TXNDC9: variants seen among roughly 807,000 people sequenced by gnomAD.
TXNDC9 encodes the protein thioredoxin domain-containing protein 9.
TXNDC9 carries 7 observed loss-of-function variants against 23.0 expected under a neutral mutation model. The observed-to-expected ratio is 0.30, with a 90% CI of 0.17 to 0.57. The LOEUF (loss-of-function observed/expected upper bound fraction) is 0.57. Ranked by LOEUF, TXNDC9 falls within the 20% of genes least tolerant of loss-of-function variation. TXNDC9 has a pLI of 0.90. For synonymous variants in TXNDC9, 72 were observed against 90.6 expected, an observed-to-expected ratio of 0.79 and a Z score of 1.17; for missense variants, 198 against 252.6, an observed-to-expected ratio of 0.78 and a Z score of 1.47.
chr2:99,307,226 C>T, the TXNDC9 span, among the ~76,000 whole-genome samples: 1 of 151,004 alleles, frequency 6.6e-6, no homozygotes, highest in Admixed American at 6.7e-5. Flanking sequence ...AGTTAAACTA[C>T]AACTAGGATC....
intron 1 of TXNDC9, among the ~76,000 whole-genome samples, chr2:99,333,636 G>C (rs1381129547): frequency 1.3e-5 from 2 of 152,078 alleles, no homozygotes; most frequent in African/African-American, 4.8e-5. Context: ...GCGAACAATA[G>C]GAAGGTATAC....
chr2:99,312,320 A>AC, the TXNDC9 span, among the ~76,000 whole-genome samples: 1 of 151,970 alleles, frequency 6.6e-6, no homozygotes, highest in African/African-American at 2.4e-5. Flanking sequence ...ATATGGTGAA[A>AC]CCCCGTCCCT....
chr2:99,335,907 G>A (rs935505416), intron 1 of TXNDC9, among the ~76,000 whole-genome samples: 1 of 152,190 alleles, frequency 6.6e-6, no homozygotes, highest in African/African-American at 2.4e-5. Flanking sequence ...AGGGTGGGAC[G>A]GGACACAGCG....
intron 3 of TXNDC9, among the ~76,000 whole-genome samples, chr2:99,324,856 C>T (rs1000185159): frequency 7.2e-5 from 11 of 152,374 alleles, no homozygotes; most frequent in African/African-American, 2.4e-4. Flanking sequence ...AGCAATTCCC[C>T]TGCCTCAGCC....
the TXNDC9 span, among the ~76,000 whole-genome samples, chr2:99,309,948 G>T: frequency 3.3e-5 from 5 of 152,132 alleles, no homozygotes; most frequent in Non-Finnish European, 7.4e-5. Flanking sequence ...GCCTCCTAAA[G>T]CGCTGGGATT....
chr2:99,335,299 T>C (rs933943996), intron 1 of TXNDC9, among the ~76,000 whole-genome samples: 16 of 152,184 alleles, frequency 1.1e-4, no homozygotes, highest in African/African-American at 3.9e-4. Flanking sequence ...AAGAGAAATA[T>C]TCTTGCAAAC....
intron 3 of TXNDC9, among the ~76,000 whole-genome samples, chr2:99,325,738 C>T (rs1271856052): frequency 6.6e-6 from 1 of 152,132 alleles, no homozygotes; most frequent in African/African-American, 2.4e-5. Context: ...AGGCCGGGTG[C>T]CGTGGCTCAT....
chr2:99,322,021 T>C lies in TXNDC9; in HGVS notation c.497A>G (p.Asn166Ser). The C allele has an allele frequency of 1.2e-6, 2 of 1,614,162 alleles. No individual in the cohort carries two copies. The highest frequency in any genetic ancestry group is 2.2e-5 in the East Asian group (1 of 44,862). Reference sequence around the variant, plus strand: ...AGTTTCTGTGGTGAAGTCATCTGTATTTCCTAGGTCAGTAAACCCAACAAC... The same window carrying C: ...AGTTTCTGTGGTGAAGTCATCTGTACTTCCTAGGTCAGTAAACCCAACAAC... ...DYVVGFTDLG[N>S]TDDFTTETLE... is the part of the protein sequence containing the mutation. Residue 166 changes from asparagine (N) to serine (S), a missense_variant, in exon 4 of 5, where the codon AAT (asparagine) becomes AGT (serine). Physicochemically the swap from Asn to Ser is conservative, Grantham distance 46 (BLOSUM62 1). Coordinates refer to ENST00000264255, the MANE Select transcript of TXNDC9 (RefSeq NM_005783.4).
At chr2:99,308,953 C>T in the TXNDC9 span, among the ~76,000 whole-genome samples, 1,652 of 152,098 alleles carry the variant, frequency 0.011, 8 homozygotes, top group Middle Eastern at 0.024. Flanking sequence ...CCGCCCGCCT[C>T]GGCCTCCCAT....
downstream of TXNDC9, among the ~76,000 whole-genome samples, chr2:99,316,111 CTTTTTCTTT>C (rs1344022282): frequency 1.5e-5 from 1 of 67,420 alleles, no homozygotes; most frequent in East Asian, 5.2e-4. Context: ...CTTTGCATTT[CTTTTTCTTT>C]TTTTTTTTTT....
rs772273895 is a variant in TXNDC9, at chr2:99,322,163, G to A, written c.355C>T (p.Leu119Phe). 13 of 1,614,068 alleles carry A rather than the reference G, an allele frequency of 8.1e-6. No homozygotes were observed. In the South Asian group the frequency reaches 1.4e-4, roughly 18 times the overall value. Reference protein sequence around the residue: ...RHLAILSKKHLETKFLKLNVE... With the variant: ...RHLAILSKKHFETKFLKLNVE... ...TTCAGCTTCAAAAATTTGGTCTCGA[G>A]GTGTTTCTTGGACAATATTGCCAGA... The change falls in exon 4 of 5, where the codon CTC becomes TTC. Residue 119 changes from leucine to phenylalanine, a missense_variant. By Grantham distance (22) the Leu-to-Phe change is conservative (BLOSUM62 0). Transcript: ENST00000264255.
At chr2:99,333,547 G>T (rs1264168068) in intron 1 of TXNDC9, among the ~76,000 whole-genome samples, 1 of 152,190 alleles carries the variant, frequency 6.6e-6, no homozygotes, top group Non-Finnish European at 1.5e-5. Flanking sequence ...ACAGAGAAAT[G>T]AGTTGTGAAG....
At chr2:99,311,463 T>C in the TXNDC9 span, among the ~76,000 whole-genome samples, 1 of 151,862 alleles carries the variant, frequency 6.6e-6, no homozygotes, top group African/African-American at 2.4e-5. Context: ...AATTTTTAAA[T>C]ATTTTGTAGA....
At chr2:99,329,771 C>G (rs551456670) in intron 2 of TXNDC9, among the ~76,000 whole-genome samples, 1 of 151,678 alleles carries the variant, frequency 6.6e-6, no homozygotes, top group Non-Finnish European at 1.5e-5. Flanking sequence ...AGTTTGAGAA[C>G]AGCCTGGGCA....
intron 3 of TXNDC9, 24 bp from the exon 4 acceptor site, chr2:99,322,233 A>C: frequency 5.0e-6 from 8 of 1,592,506 alleles, no homozygotes; most frequent in Non-Finnish European, 6.8e-6. Flanking sequence ...CACATAGAAA[A>C]TTATAAGCTA....
chr2:99,308,621 A>G, the TXNDC9 span, among the ~76,000 whole-genome samples: 8 of 152,030 alleles, frequency 5.3e-5, no homozygotes, highest in Non-Finnish European at 1.2e-4. Context: ...GTAGGGAGGG[A>G]GAAGATTAGA....
At chr2:99,314,529 C>CTTT (rs55729391), downstream of TXNDC9, among the ~76,000 whole-genome samples, 1,154 of 97,350 alleles carry the variant, frequency 0.012, 112 homozygotes, top group South Asian at 0.035. Flanking sequence ...AATACTACAC[C>CTTT]TTTTTTTTTT....
intron 1 of TXNDC9, among the ~76,000 whole-genome samples, chr2:99,333,561 T>C (rs535701239): frequency 6.6e-6 from 1 of 152,336 alleles, no homozygotes; most frequent in East Asian, 1.9e-4. Context: ...TGTGAAGTTA[T>C]ACCTAGTGAT....
intron 2 of TXNDC9, 124 bp downstream of exon 2, chr2:99,332,898 G>A (rs920098479): frequency 1.3e-6 from 1 of 793,484 alleles, no homozygotes; most frequent in Non-Finnish European, 2.0e-6. Context: ...AACAGTAATA[G>A]GTATTCTGAA....
Sources: allele counts gnomAD v4.1 joint callset (sites outside exome capture counted in the v4.1 genomes callset), GRCh38; gene constraint gnomAD v4.1.1; transcripts MANE v1.5; gene names NCBI Gene and HGNC (gene_info 2026-07-23, HGNC 2026-07-21).